Variants in RARB observed in about 807,000 individuals in gnomAD.
RARB encodes retinoic acid receptor beta.
Under a neutral mutation model 51.9 loss-of-function variants are expected in RARB, and 17 were observed. The ratio of observed to expected loss-of-function variants is 0.33; its 90% CI spans 0.22 to 0.49. RARB has a LOEUF of 0.49. RARB is among the 20% of genes least tolerant of loss of function. The probability of loss-of-function intolerance (pLI) is 0.99; values close to 1 mark genes in which losing one functional copy is unlikely to be tolerated. For missense variants in RARB, 369 were observed against 550.8 expected (o/e 0.67, Z 3.30); for synonymous variants, 215 against 195.4 (o/e 1.10, Z -0.84).
At chr3:24,883,356 T>TTGTGTGTCTG (rs1703207579) in intron 2 of RARB, among the ~76,000 whole-genome samples, 1 of 143,672 alleles carries the variant, frequency 7.0e-6, no homozygotes, top group Non-Finnish European at 1.5e-5. Context: ...TCAACAATCA[T>TTGTGTGTCTG]TGTGTGTGTG....
At chr3:24,909,916 T>A (rs1250490016) in intron 2 of RARB, among the ~76,000 whole-genome samples, 1 of 152,190 alleles carries the variant, frequency 6.6e-6, no homozygotes, top group Non-Finnish European at 1.5e-5. Flanking sequence ...TTTGTATTTA[T>A]TCTCCACAGT....
rs538481172 is a variant in RARB at position 25,155,632 on chromosome 3, G to C, written c.-279-18487G>C. Among the ~76,000 whole-genome samples, 5 of 152,268 alleles carry C rather than the reference G, an allele frequency of 3.3e-5. No homozygotes were observed. In the South Asian group the frequency reaches 1.0e-3, roughly 32 times the overall value. ...ATATAATCTGGAGGAAGAATGTTTT[G>C]GCTGGGACCCACACACTTTTTTTCA... On this transcript the variant is annotated intron_variant, in intron 4 of 11. Transcript: ENST00000383772.
At chr3:25,345,725 G>A (rs1705372069) in intron 5 of RARB, among the ~76,000 whole-genome samples, 1 of 150,564 alleles carries the variant, frequency 6.6e-6, no homozygotes, top group African/African-American at 2.5e-5. Flanking sequence ...TTTAGGAAAA[G>A]CTAAAAAGAT....
chr3:24,961,171 G>A (rs945553218), intron 2 of RARB, among the ~76,000 whole-genome samples: 5 of 152,088 alleles, frequency 3.3e-5, no homozygotes, highest in African/African-American at 1.2e-4. Context: ...TCTAGAATTC[G>A]ATTGCAAATT....
Position 24,877,141 on chromosome 3 carries a change from T to A in RARB, c.-380+18389T>A, listed in dbSNP as rs556303321. ...TTAGATGCACAATGTAAAAGTAATA[T>A]ATCTATATATCTTTTGAAAACTATT... On this transcript the variant is annotated intron_variant, in intron 2 of 11. Coordinates refer to the RARB transcript ENST00000383772. Among the ~76,000 whole-genome samples the A allele has an allele frequency of 5.3e-5, 8 of 152,182 alleles. No individual in the cohort carries two copies. The South Asian group carries it at 8.3e-4, about 16-fold the overall frequency.
At chr3:24,877,971 G>A (rs965967920) in intron 2 of RARB, among the ~76,000 whole-genome samples, 1 of 152,104 alleles carries the variant, frequency 6.6e-6, no homozygotes, top group Admixed American at 6.5e-5. Context: ...AGACAAAATA[G>A]ACAATCATCT....
chr3:25,157,404 T>C lies in RARB; in HGVS notation c.-279-16715T>C, dbSNP rs962101463. 3.3e-5 allele frequency among the ~76,000 whole-genome samples: 5 copies of C among 150,662 alleles called. No individual in the cohort carries two copies. The East Asian group carries it at 5.9e-4, about 18-fold the overall frequency. On this transcript the variant is annotated intron_variant, in intron 4 of 11. Transcript: ENST00000383772. ...TGTATATATATGGTTTTTTTTGTTGTTGTTTTTGTTTTTTTTTGAGACAGT... is the reference window on the plus strand; with the variant it reads ...TGTATATATATGGTTTTTTTTGTTGCTGTTTTTGTTTTTTTTTGAGACAGT...
At chr3:24,923,312 C>T (rs1203824393) in intron 2 of RARB, among the ~76,000 whole-genome samples, 1 of 152,028 alleles carries the variant, frequency 6.6e-6, no homozygotes, top group African/African-American at 2.4e-5. Flanking sequence ...CCTTTTAAAG[C>T]ATTGCTGAGA....
chr3:24,907,153 A>C (rs1694885475), intron 2 of RARB, among the ~76,000 whole-genome samples: 1 of 152,136 alleles, frequency 6.6e-6, no homozygotes, highest in Non-Finnish European at 1.5e-5. Flanking sequence ...AAGCCAGGAG[A>C]AAAGGGCCAT....
intron 2 of RARB, among the ~76,000 whole-genome samples, chr3:25,025,523 T>C (rs1027244556): frequency 1.3e-5 from 2 of 152,172 alleles, no homozygotes; most frequent in African/African-American, 4.8e-5. Context: ...CTAGCCAGGA[T>C]GGTAGAAAGT....
At chr3:25,179,114 A>G (rs1273442345) in intron 5 of RARB, among the ~76,000 whole-genome samples, 9 of 152,320 alleles carry the variant, frequency 5.9e-5, no homozygotes, top group Admixed American at 4.6e-4. Flanking sequence ...AAAAATCCCA[A>G]CCTTCTGGAG....
At chr3:25,087,768 T>C (rs551126671) in intron 3 of RARB, among the ~76,000 whole-genome samples, 1 of 151,966 alleles carries the variant, frequency 6.6e-6, no homozygotes, top group Non-Finnish European at 1.5e-5. Flanking sequence ...GCTTGACAAA[T>C]GTTAGATCTT....
intron 3 of RARB, among the ~76,000 whole-genome samples, chr3:25,104,413 G>C (rs536727585): frequency 6.6e-6 from 1 of 152,134 alleles, no homozygotes; most frequent in Non-Finnish European, 1.5e-5. Context: ...AGGGAGAGCG[G>C]TGCAGATTGC....
At chr3:25,038,432 T>C (rs1698044849) in intron 2 of RARB, among the ~76,000 whole-genome samples, 1 of 152,000 alleles carries the variant, frequency 6.6e-6, no homozygotes, top group Admixed American at 6.6e-5. Flanking sequence ...CTTAAGAAAA[T>C]AGAATATCTA....
At chr3:25,273,042 C>G (rs1406830963) in intron 5 of RARB, among the ~76,000 whole-genome samples, 17 of 152,126 alleles carry the variant, frequency 1.1e-4, no homozygotes, top group Admixed American at 1.1e-3. Flanking sequence ...TTTACATTCC[C>G]CATAAGCTGA....
At chr3:25,412,730 T>C (rs1049223904) in intron 5 of RARB, among the ~76,000 whole-genome samples, 11 of 152,242 alleles carry the variant, frequency 7.2e-5, no homozygotes, top group Admixed American at 3.3e-4. Context: ...AAAAAGAACA[T>C]GACCATGGGC....
At chr3:25,171,276 T>C (rs1240192638) in intron 4 of RARB, among the ~76,000 whole-genome samples, 3 of 151,498 alleles carry the variant, frequency 2.0e-5, no homozygotes, top group Admixed American at 6.6e-5. Flanking sequence ...AAATCAGACT[T>C]AAAGAAAAAA....
intron 5 of RARB, among the ~76,000 whole-genome samples, chr3:25,311,653 T>C (rs988258213): frequency 6.6e-6 from 1 of 152,248 alleles, no homozygotes; most frequent in Non-Finnish European, 1.5e-5. Context: ...TTTATGCCTG[T>C]CTTTGCTCTG....
intron 2 of RARB, among the ~76,000 whole-genome samples, chr3:24,987,009 C>A (rs1247170195): frequency 2.0e-5 from 3 of 152,068 alleles, no homozygotes; most frequent in Non-Finnish European, 4.4e-5. Flanking sequence ...GATGCTCATT[C>A]AAAAAATACG....
Sources: gnomAD v4.1 joint callset for allele counts (sites outside exome capture counted in the v4.1 genomes callset) on GRCh38, gnomAD v4.1.1 for gene constraint, MANE v1.5 for transcripts, NCBI Gene and HGNC (gene_info 2026-07-23, HGNC 2026-07-21) for gene names.